The following GRIP1 variants were observed in gnomAD, a reference collection of about 807,000 sequenced individuals.
The protein encoded by GRIP1 is glutamate receptor interacting protein 1.
A neutral mutation model predicts 129.9 loss-of-function variants in GRIP1; 45 were observed. The observed-to-expected ratio is 0.35, with a 90% CI of 0.27 to 0.44. The LOEUF is 0.44. Ranked by LOEUF, GRIP1 falls within the 20% of genes least tolerant of loss-of-function variation. The pLI is 1.00. For missense variants in GRIP1, 1,196 were observed against 1,396.8 expected, an observed-to-expected ratio of 0.86 and a Z score of 2.29; for synonymous variants, 530 against 520.8, an observed-to-expected ratio of 1.02 and a Z score of -0.24.
intron 11 of GRIP1, among the ~76,000 whole-genome samples, chr12:66,453,271 C>T (rs933358667): frequency 2.0e-5 from 3 of 152,164 alleles, no homozygotes; most frequent in Admixed American, 6.5e-5. Context: ...GCAAGTCTTA[C>T]CTAACACAAA....
intron 1 of GRIP1, among the ~76,000 whole-genome samples, chr12:66,648,926 T>C (rs1262424293): frequency 1.3e-5 from 2 of 152,226 alleles, no homozygotes; most frequent in Admixed American, 6.5e-5. Context: ...ATCCTGATAA[T>C]TGAACACTAT....
upstream of GRIP1, among the ~76,000 whole-genome samples, chr12:66,679,301 A>G (rs541470068): frequency 2.0e-5 from 3 of 152,294 alleles, no homozygotes; most frequent in East Asian, 5.8e-4. Context: ...CAGTCAGTTC[A>G]GCCACCATCA....
chr12:66,531,460 G>A (rs1335219571), intron 4 of GRIP1, among the ~76,000 whole-genome samples: 2 of 151,602 alleles, frequency 1.3e-5, no homozygotes, highest in Non-Finnish European at 2.9e-5. Flanking sequence ...GAACCCTCAA[G>A]GGAAGAAACA....
chr12:66,631,750 T>C (rs771996706), intron 1 of GRIP1, among the ~76,000 whole-genome samples: 1 of 152,220 alleles, frequency 6.6e-6, no homozygotes, highest in African/African-American at 2.4e-5. Context: ...GGTCCTACCA[T>C]GTGAGTCAGT....
chr12:66,394,186 T>C, intron 17 of GRIP1, 22 bp downstream of exon 17: 1 of 1,608,736 alleles, frequency 6.2e-7, no homozygotes. Flanking sequence ...CAGGTAATTA[T>C]AACAGTTACT....
At chr12:66,492,594 G>A (rs922971526) in intron 7 of GRIP1, among the ~76,000 whole-genome samples, 7 of 152,232 alleles carry the variant, frequency 4.6e-5, no homozygotes, top group African/African-American at 1.7e-4. Context: ...CCCAATAAAT[G>A]TGCATTTATT....
At chr12:66,991,987 T>G (rs914355809) in intron 1 of GRIP1, among the ~76,000 whole-genome samples, 1 of 152,186 alleles carries the variant, frequency 6.6e-6, no homozygotes. Context: ...ATGACTTAAA[T>G]AGACAGGCAT....
chr12:66,624,745 C>T (rs915111207), intron 1 of GRIP1, among the ~76,000 whole-genome samples: 19 of 152,120 alleles, frequency 1.2e-4, no homozygotes, highest in Admixed American at 4.6e-4. Flanking sequence ...TGTAGCACAT[C>T]TGTAAAAGAT....
chr12:66,711,380 C>T (rs1422526461), intron 1 of GRIP1, among the ~76,000 whole-genome samples: 1 of 151,778 alleles, frequency 6.6e-6, no homozygotes, highest in Non-Finnish European at 1.5e-5. Context: ...AAATTAAATA[C>T]TTTTTTAAAA....
chr12:66,673,219 G>A (rs1057456832), intron 1 of GRIP1, among the ~76,000 whole-genome samples: 4 of 152,128 alleles, frequency 2.6e-5, no homozygotes, highest in Non-Finnish European at 5.9e-5. Flanking sequence ...GTATGGTGGG[G>A]ATAATGACGA....
chr12:66,547,324 G>A (rs1227273429), intron 2 of GRIP1, among the ~76,000 whole-genome samples: 2 of 152,076 alleles, frequency 1.3e-5, no homozygotes, highest in Non-Finnish European at 2.9e-5. Flanking sequence ...CGCTACTGAT[G>A]GGAATGTAAA....
intron 19 of GRIP1, among the ~76,000 whole-genome samples, chr12:66,386,435 C>A (rs113511842): frequency 0.047 from 7,200 of 152,132 alleles, 440 homozygotes; most frequent in African/African-American, 0.12. Context: ...AAGATCAACA[C>A]CATCCTGGCT....
At chr12:66,484,952 T>C (rs990425455) in intron 7 of GRIP1, among the ~76,000 whole-genome samples, 5 of 152,318 alleles carry the variant, frequency 3.3e-5, no homozygotes, top group Middle Eastern at 3.4e-3. Flanking sequence ...CCTATAACTA[T>C]GTACTATTAT....
At chr12:66,856,114 A>T (rs11176452) in intron 1 of GRIP1, among the ~76,000 whole-genome samples, 13,636 of 152,192 alleles carry the variant, frequency 0.09, 683 homozygotes, top group South Asian at 0.18. Flanking sequence ...AAAAACAAGA[A>T]ATGGGGAAAG....
At chr12:66,368,964 C>T (rs2055313943) in intron 23 of GRIP1, among the ~76,000 whole-genome samples, 2 of 152,212 alleles carry the variant, frequency 1.3e-5, no homozygotes, top group South Asian at 4.1e-4. Flanking sequence ...AAGATGCGAG[C>T]ATAAATCACT....
chr12:66,791,525 T>C (rs988552245), intron 1 of GRIP1, among the ~76,000 whole-genome samples: 4 of 152,026 alleles, frequency 2.6e-5, no homozygotes, highest in East Asian at 1.9e-4. Flanking sequence ...AGACCACAGA[T>C]GGTTTGATGG....
rs2058928239 is a variant in GRIP1, at chr12:66,455,417, T to C, written c.1346A>G (p.Lys449Arg). 6.2e-7 allele frequency: 1 copy of C among 1,614,190 alleles called. No homozygotes were observed. The highest frequency in any genetic ancestry group is 8.5e-7 in the Non-Finnish European group (1 of 1,180,014). ...MRRRLKKKDF[K>R]SSLSLASSTV... is the part of the protein sequence containing the mutation. ...GCTGTCATTTCACTTACATGAGCTT[T>C]TGAAGTCTTTCTTTTTCAGTCTCCT... Residue 449 changes from lysine to arginine, a missense_variant, in exon 11 of 25, where the codon AAA becomes AGA. By Grantham distance (26) the Lys-to-Arg change is conservative (BLOSUM62 2). Coordinates refer to ENST00000359742, the MANE Select transcript of GRIP1 (RefSeq NM_001366722.1).
At chr12:66,564,563 C>G (rs567366443) in intron 2 of GRIP1, among the ~76,000 whole-genome samples, 2 of 151,996 alleles carry the variant, frequency 1.3e-5, no homozygotes, top group African/African-American at 4.8e-5. Context: ...TCTTTGCTAT[C>G]GTGAATAGTG....
intron 2 of GRIP1, among the ~76,000 whole-genome samples, chr12:66,578,953 T>G (rs1364777065): frequency 3.3e-5 from 5 of 152,178 alleles, no homozygotes; most frequent in African/African-American, 1.2e-4. Context: ...GCAGACTGCC[T>G]CCTCAAGTGG....
Sources: allele counts gnomAD v4.1 joint callset (sites outside exome capture counted in the v4.1 genomes callset), GRCh38; gene constraint gnomAD v4.1.1; transcripts MANE v1.5; gene names NCBI Gene and HGNC (gene_info 2026-07-23, HGNC 2026-07-21).